PHACTR4: variants seen among roughly 807,000 people sequenced by gnomAD.
PHACTR4 encodes protein phosphatase 1, regulatory subunit 124.
In PHACTR4, 51 loss-of-function variants were observed where a neutral mutation model predicts 72.7. The observed-to-expected ratio is 0.70, with a 90% CI of 0.56 to 0.89. PHACTR4 has a LOEUF of 0.89. Among genes scored for constraint, PHACTR4 ranks in the 40% least tolerant of loss-of-function variants. The pLI, the probability that PHACTR4 is intolerant of heterozygous loss-of-function variation, is 0.00. For missense variants in PHACTR4, 731 were observed against 861.8 expected, an observed-to-expected ratio of 0.85 and a Z score of 1.90; for synonymous variants, 255 against 302.5, an observed-to-expected ratio of 0.84 and a Z score of 1.63.
chr1:28,449,349 G>A (rs914423541), intron 2 of PHACTR4, among the ~76,000 whole-genome samples: 4 of 151,834 alleles, frequency 2.6e-5, no homozygotes, highest in African/African-American at 9.7e-5. Flanking sequence ...AAATATATAT[G>A]TATAATAAAA....
chr1:28,458,124 G>T (rs977562865), intron 2 of PHACTR4, among the ~76,000 whole-genome samples: 1 of 148,346 alleles, frequency 6.7e-6, no homozygotes, highest in Non-Finnish European at 1.5e-5. Context: ...GTGTGTGTGT[G>T]TGTGTGTGTG....
At chr1:28,451,022 G>GT (rs1209001717) in intron 2 of PHACTR4, among the ~76,000 whole-genome samples, 1 of 99,700 alleles carries the variant, frequency 1.0e-5, no homozygotes, top group African/African-American at 4.0e-5. Flanking sequence ...AGGGTTTCAT[G>GT]TTGGCCATGC....
At chr1:28,494,483 G>A (rs1661222673) in intron 13 of PHACTR4, among the ~76,000 whole-genome samples, 2 of 152,124 alleles carry the variant, frequency 1.3e-5, no homozygotes, top group South Asian at 2.1e-4. Flanking sequence ...GTGAAACCCT[G>A]TCTCTACTAA....
intron 6 of PHACTR4, chr1:28,467,379 TTG>T (rs67853567): frequency 0.082 from 12,072 of 146,336 alleles, 502 homozygotes; most frequent in East Asian, 0.11. Flanking sequence ...CTATACATAT[TTG>T]TGTGTGTGTG....
intron 4 of PHACTR4, among the ~76,000 whole-genome samples, chr1:28,462,895 A>G (rs995667310): frequency 1.4e-4 from 22 of 152,156 alleles, no homozygotes; most frequent in African/African-American, 5.3e-4. Flanking sequence ...AGTCCTCTGC[A>G]TACTTAAAGG....
At chr1:28,370,484 G>T (rs1651153219) in intron 1 of PHACTR4, among the ~76,000 whole-genome samples, 1 of 152,180 alleles carries the variant, frequency 6.6e-6, no homozygotes, top group Non-Finnish European at 1.5e-5. Flanking sequence ...CGAATTTGCT[G>T]CGATGTCTGT....
intron 2 of PHACTR4, among the ~76,000 whole-genome samples, chr1:28,449,964 T>C (rs1441242623): frequency 6.6e-6 from 1 of 152,020 alleles, no homozygotes; most frequent in African/African-American, 2.4e-5. Flanking sequence ...CTACTAGAAC[T>C]CTGCATAATT....
In PHACTR4 at chr1:28,426,027, C is replaced by A. The variant is rs544337406; in HGVS notation, c.16+18564C>A. ...CCTGAGGTCAGGAGTTCGAGACCAG[C>A]CTGACCAACATGGTGAAACCCCAGT... is the stretch of plus-strand genomic sequence containing the variant. On this transcript the variant is annotated intron_variant, in intron 2 of 13. Transcript: ENST00000373839. 3.3e-5 allele frequency among the ~76,000 whole-genome samples: 5 copies of A among 151,904 alleles called. No individual in the cohort carries two copies. The East Asian group carries it at 7.8e-4, about 24-fold the overall frequency.
rs540136191 is a variant in PHACTR4 at position 28,438,384 on chromosome 1, C to T, written c.17-20701C>T. ...CGTGAGATACATCAGACAATATAAT[C>T]ATGGGACAAGCTGATGTCTCCAGAC... On this transcript the variant is annotated intron_variant, in intron 2 of 13. Coordinates refer to ENST00000373839, the MANE Select transcript of PHACTR4 (RefSeq NM_001048183.3). 4.3e-6 allele frequency: 7 copies of T among 1,612,060 alleles called. No homozygotes were observed. The African/African-American group carries it at 9.4e-5, about 22-fold the overall frequency.
chr1:28,377,883 G>C (rs533096273), intron 1 of PHACTR4, among the ~76,000 whole-genome samples: 2 of 151,836 alleles, frequency 1.3e-5, no homozygotes. Context: ...AGAGGGTTTA[G>C]AGAAGGTATT....
At position 28,458,319 on chromosome 1, in the gene PHACTR4, T is replaced by A. The variant is rs368837020; in HGVS notation, c.17-766T>A. ...ACCATGCCCAGCTAATTTTTGTTTT[T>A]GTATTATTTGTAGAGACAGGGTTTC... On this transcript the variant is annotated intron_variant, in intron 2 of 13. Coordinates refer to ENST00000373839, the MANE Select transcript of PHACTR4 (RefSeq NM_001048183.3). Among the ~76,000 whole-genome samples the A allele has an allele frequency of 2.7e-3, 405 of 152,190 alleles. 19 individuals carry two copies. The South Asian group carries it at 0.081, about 31-fold the overall frequency.
chr1:28,473,576 C>T lies in PHACTR4; in HGVS notation c.846C>T (p.Asn282=). ...PVIAELSQAI[N]SGTLLSKPSP... The stretch of plus-strand genomic sequence containing the variant: ...CAGCTGAACTGTCCCAAGCAATAAA[C>T]AGTGGTACATTGTTATCAAAACCGT... Residue 282 remains asparagine (N), a synonymous_variant, in exon 7 of 14, where the codon AAC becomes AAT. Transcript: ENST00000373839. The T allele has an allele frequency of 1.2e-6, 2 of 1,611,264 alleles. No homozygotes were observed. Among genetic ancestry groups the T allele is most frequent in the Non-Finnish European group, 1.7e-6 (2 of 1,177,894 alleles).
chr1:28,479,719 C>A (rs992291137), intron 8 of PHACTR4, among the ~76,000 whole-genome samples: 4 of 151,276 alleles, frequency 2.6e-5, no homozygotes, highest in Admixed American at 2.0e-4. Context: ...ACCCGAAACC[C>A]GGTGTCTACT....
intron 6 of PHACTR4, among the ~76,000 whole-genome samples, chr1:28,472,429 A>T (rs1659621235): frequency 6.6e-6 from 1 of 152,086 alleles, no homozygotes; most frequent in African/African-American, 2.4e-5. Flanking sequence ...AAACACTTTG[A>T]TTTCTTCAAA....
At chr1:28,476,317 C>G in intron 8 of PHACTR4, 26 bp downstream of exon 8, 1 of 1,558,624 alleles carries the variant, frequency 6.4e-7, no homozygotes, top group South Asian at 1.2e-5. Flanking sequence ...AAAAGCAAAA[C>G]AGAGAATTCT....
intron 2 of PHACTR4, among the ~76,000 whole-genome samples, chr1:28,425,969 C>T (rs1422650103): frequency 6.6e-6 from 1 of 152,094 alleles, no homozygotes; most frequent in Non-Finnish European, 1.5e-5. Context: ...GCCTGTAATC[C>T]CAGCACTTTG....
chr1:28,450,483 G>A lies in PHACTR4; in HGVS notation c.17-8602G>A, dbSNP rs373457499. Among the ~76,000 whole-genome samples the A allele has an allele frequency of 2.0e-4, 31 of 152,172 alleles. 1 individual carries two copies. The East Asian group carries it at 2.1e-3, about 10-fold the overall frequency. ...ACAAAGATTTATGTGCAGAATTGGC[G>A]TATGAACAGTTTCAGGCCCATCTTT... On this transcript the variant is annotated intron_variant, in intron 2 of 13. Transcript: ENST00000373839.
intron 9 of PHACTR4, among the ~76,000 whole-genome samples, chr1:28,487,373 A>T (rs1660721892): frequency 1.3e-5 from 2 of 151,832 alleles, no homozygotes. Context: ...CTAAAAAAAA[A>T]TAAAAATAAA....
At chr1:28,476,332 C>T in intron 8 of PHACTR4, 41 bp downstream of exon 8, 1 of 1,525,794 alleles carries the variant, frequency 6.6e-7, no homozygotes, top group Non-Finnish European at 8.8e-7. Context: ...AATTCTTTTC[C>T]AGATAAAACT....
Sources: gnomAD v4.1 joint callset for allele counts (sites outside exome capture counted in the v4.1 genomes callset) on GRCh38, gnomAD v4.1.1 for gene constraint, MANE v1.5 for transcripts, NCBI Gene and HGNC (gene_info 2026-07-23, HGNC 2026-07-21) for gene names.